Variants in CHCHD3 observed in about 807,000 individuals in gnomAD.
The protein encoded by CHCHD3 is MICOS complex subunit MIC19.
Under a neutral mutation model 38.2 loss-of-function variants are expected in CHCHD3, and 20 were observed. The observed-to-expected ratio is 0.52, with a 90% CI of 0.37 to 0.76. The LOEUF (loss-of-function observed/expected upper bound fraction) is 0.76. CHCHD3 is among the 30% of genes least tolerant of loss of function. The probability of loss-of-function intolerance (pLI) is 0.00; values close to 1 mark genes in which losing one functional copy is unlikely to be tolerated. For synonymous variants in CHCHD3, 82 were observed against 100.0 expected (o/e 0.82, Z 1.07); for missense variants, 245 against 279.2 (o/e 0.88, Z 0.87).
At chr7:132,956,195 T>G (rs117765359) in intron 4 of CHCHD3, among the ~76,000 whole-genome samples, 1 of 152,232 alleles carries the variant, frequency 6.6e-6, no homozygotes, top group African/African-American at 2.4e-5. Flanking sequence ...CCTGTTGGCC[T>G]GCCCTGAAGA....
intron 1 of CHCHD3, among the ~76,000 whole-genome samples, chr7:133,071,618 T>C (rs1457226282): frequency 1.3e-5 from 2 of 152,152 alleles, no homozygotes; most frequent in Admixed American, 6.5e-5. Context: ...ATTAAGAAGC[T>C]ATTAAGCATA....
chr7:133,029,128 G>T (rs1813432112), intron 2 of CHCHD3, among the ~76,000 whole-genome samples: 1 of 152,238 alleles, frequency 6.6e-6, no homozygotes, highest in African/African-American at 2.4e-5. Flanking sequence ...CAACAGAAAA[G>T]AGATTAAGCA....
In CHCHD3 at chr7:132,947,547, CTT is replaced by C. The variant is rs1446377493; in HGVS notation, c.369+27620_369+27621del. 3.3e-5 allele frequency among the ~76,000 whole-genome samples: 5 copies of C among 152,040 alleles called. No homozygotes were observed. In the East Asian group the frequency reaches 7.7e-4, roughly 23 times the overall value. ...ACTGTTTTTCTAAGTTTAAAATTCTCTTTTAATAAATATCAAGTTTTACATTT... is the reference window on the plus strand; with the variant it reads ...ACTGTTTTTCTAAGTTTAAAATTCTCTTAATAAATATCAAGTTTTACATTT... On this transcript the variant is annotated intron_variant, in intron 4 of 7. Transcript: ENST00000262570.
At position 132,922,122 on chromosome 7, in the gene CHCHD3, C is replaced by A. The variant is rs138690260; in HGVS notation, c.370-36377G>T. On this transcript the variant is annotated intron_variant, in intron 4 of 7. Coordinates refer to ENST00000262570, the MANE Select transcript of CHCHD3 (RefSeq NM_017812.4). ...ACAGAGTAAAGGAAAAAAACTGTTC[C>A]CAGCTTGGTAGGCAGGAGGTAGGAC... 8.8e-4 allele frequency among the ~76,000 whole-genome samples: 134 copies of A among 152,188 alleles called. No homozygotes were observed. In the Middle Eastern group the frequency reaches 0.031, roughly 35 times the overall value.
At position 132,843,015 on chromosome 7, in the gene CHCHD3, T is replaced by C. The variant is rs560069942; in HGVS notation, c.454-4546A>G. Among the ~76,000 whole-genome samples the C allele has an allele frequency of 9.7e-4, 148 of 152,300 alleles. 1 individual carries two copies. Among genetic ancestry groups the C allele is most frequent in the Non-Finnish European group, 1.7e-3 (113 of 68,012 alleles). On this transcript the variant is annotated intron_variant, in intron 5 of 7. Transcript: ENST00000262570. ...TGCAGCAATGATTACTGTAGTGTTC[T>C]GATGGTACATAGATTTCTTTCGTTT...
chr7:132,857,059 A>C (rs1808358427), intron 5 of CHCHD3, among the ~76,000 whole-genome samples: 1 of 152,242 alleles, frequency 6.6e-6, no homozygotes. Context: ...CTTCATATGT[A>C]ACTAGAATTG....
chr7:132,887,464 C>T (rs1400165782), intron 4 of CHCHD3, among the ~76,000 whole-genome samples: 1 of 150,960 alleles, frequency 6.6e-6, no homozygotes, highest in South Asian at 2.1e-4. Flanking sequence ...AGAATAGACT[C>T]ATAAGAAACT....
chr7:132,975,115 C>A (rs774296495), intron 4 of CHCHD3, 54 bp downstream of exon 4: 5 of 1,345,254 alleles, frequency 3.7e-6, no homozygotes, highest in Non-Finnish European at 5.3e-6. Context: ...TCTTCCCAAA[C>A]ATCAGAGATT....
At chr7:132,887,037 C>T (rs1227388146) in intron 4 of CHCHD3, 5 of 1,033,380 alleles carry the variant, frequency 4.8e-6, no homozygotes, top group Non-Finnish European at 6.3e-6. Flanking sequence ...AACATAAGTA[C>T]TGTTTTTTCC....
chr7:132,885,373 A>C, intron 5 of CHCHD3, among the ~76,000 whole-genome samples: 1 of 152,226 alleles, frequency 6.6e-6, no homozygotes, highest in East Asian at 1.9e-4. Flanking sequence ...GTAGCAGTGT[A>C]CTGTCTGACC....
At chr7:133,052,694 C>T (rs976426983) in intron 2 of CHCHD3, among the ~76,000 whole-genome samples, 1 of 152,072 alleles carries the variant, frequency 6.6e-6, no homozygotes, top group Admixed American at 6.6e-5. Context: ...TGCTTGTAAT[C>T]AAAACTGCAT....
At chr7:132,951,171 T>A (rs1168317317) in intron 4 of CHCHD3, among the ~76,000 whole-genome samples, 2 of 152,168 alleles carry the variant, frequency 1.3e-5, no homozygotes, top group African/African-American at 4.8e-5. Flanking sequence ...TAGTGAAATA[T>A]TGTTTTAAGA....
chr7:133,079,077 C>T (rs1308416801), intron 1 of CHCHD3, among the ~76,000 whole-genome samples: 2 of 152,206 alleles, frequency 1.3e-5, no homozygotes, highest in East Asian at 1.9e-4. Flanking sequence ...CAGACCTAGA[C>T]AAAAAAACAC....
intron 4 of CHCHD3, among the ~76,000 whole-genome samples, chr7:132,899,928 A>C (rs1456607971): frequency 6.6e-6 from 1 of 152,220 alleles, no homozygotes; most frequent in Non-Finnish European, 1.5e-5. Flanking sequence ...AAATTCAATA[A>C]ATGTGTATGT....
At chr7:132,986,057 T>G (rs1364529055) in intron 3 of CHCHD3, among the ~76,000 whole-genome samples, 6 of 150,438 alleles carry the variant, frequency 4.0e-5, no homozygotes, top group African/African-American at 1.5e-4. Flanking sequence ...TGTTCTGTAC[T>G]AAGAAAAATT....
chr7:132,930,105 G>C (rs912393202), intron 4 of CHCHD3, among the ~76,000 whole-genome samples: 7 of 151,810 alleles, frequency 4.6e-5, no homozygotes, highest in Non-Finnish European at 1.0e-4. Flanking sequence ...TCTTCAAGCC[G>C]GAGTAAGCTT....
intron 4 of CHCHD3, among the ~76,000 whole-genome samples, chr7:132,914,676 G>A (rs1459241756): frequency 1.3e-5 from 2 of 152,064 alleles, no homozygotes. Context: ...GGAACAAGGG[G>A]TGCCGCTCTG....
chr7:133,037,144 G>A (rs1280401208), intron 2 of CHCHD3, among the ~76,000 whole-genome samples: 3 of 152,114 alleles, frequency 2.0e-5, no homozygotes, highest in Admixed American at 2.0e-4. Flanking sequence ...GAATGATGAC[G>A]AGACCAAAGG....
intron 1 of CHCHD3, 49 bp from the exon 2 acceptor site, chr7:133,070,278 A>G (rs766556719): frequency 6.7e-7 from 1 of 1,488,032 alleles, no homozygotes; most frequent in South Asian, 1.2e-5. Context: ...AGCAAGATCA[A>G]AAACCAGTGC....
Sources: allele counts gnomAD v4.1 joint callset (sites outside exome capture counted in the v4.1 genomes callset), GRCh38; gene constraint gnomAD v4.1.1; transcripts MANE v1.5; gene names NCBI Gene and HGNC (gene_info 2026-07-23, HGNC 2026-07-21).